PTPRT: variants seen among roughly 807,000 people sequenced by gnomAD.
The protein encoded by PTPRT is receptor-type tyrosine-protein phosphatase T.
A neutral mutation model predicts 176.8 loss-of-function variants in PTPRT; 56 were observed. The observed-to-expected ratio is 0.32, with a 90% CI of 0.26 to 0.40. The LOEUF (loss-of-function observed/expected upper bound fraction) is 0.40, where lower values mean the gene tolerates loss of function less well. PTPRT is among the 10% of genes least tolerant of loss of function. PTPRT has a pLI of 1.00. For missense variants in PTPRT, 1,540 were observed against 1,908.2 expected (o/e 0.81, Z 3.60); for synonymous variants, 783 against 739.0 (o/e 1.06, Z -0.96).
chr20:42,268,482 C>T (rs535195287), intron 13 of PTPRT, among the ~76,000 whole-genome samples: 77 of 152,286 alleles, frequency 5.1e-4, no homozygotes, highest in African/African-American at 1.7e-3. Context: ...TGGTGGTGTG[C>T]ACAGTGACGA....
chr20:42,134,673 A>T (rs1988287724), intron 18 of PTPRT, among the ~76,000 whole-genome samples: 1 of 152,182 alleles, frequency 6.6e-6, no homozygotes, highest in Non-Finnish European at 1.5e-5. Context: ...AAAGGCCCTG[A>T]TCAGTAATGT....
At chr20:42,993,704 C>T (rs1249895192) in intron 1 of PTPRT, among the ~76,000 whole-genome samples, 1 of 151,530 alleles carries the variant, frequency 6.6e-6, no homozygotes, top group South Asian at 2.1e-4. Context: ...CTCCTTGGAC[C>T]AGCATTTCCC....
chr20:42,294,266 A>C (rs2057356905), intron 12 of PTPRT, among the ~76,000 whole-genome samples: 1 of 152,186 alleles, frequency 6.6e-6, no homozygotes, highest in African/African-American at 2.4e-5. Context: ...GGTAGATCAA[A>C]ACTAAGAGTA....
At chr20:42,809,990 G>A (rs1177240000) in intron 2 of PTPRT, among the ~76,000 whole-genome samples, 2 of 152,072 alleles carry the variant, frequency 1.3e-5, no homozygotes, top group African/African-American at 4.8e-5. Flanking sequence ...ACTTAAATTT[G>A]TACTAATAAA....
At position 42,472,515 on chromosome 20, in the gene PTPRT, G is replaced by A. The variant is rs1328848371; in HGVS notation, c.1201C>T (p.Arg401Trp). The A allele has an allele frequency of 3.1e-6, 5 of 1,614,186 alleles. No homozygotes were observed. The highest frequency in any genetic ancestry group is 3.4e-6 in the Non-Finnish European group (4 of 1,180,024). The part of the protein sequence containing the change: ...QNVEIVDIRA[R>W]QLTLQWEPFG... Reference sequence around the variant, plus strand: ...GGCTCCCACTGCAGGGTCAGCTGCCGGGCTCTGATGTCTACGATTTCCACG... The same window carrying A: ...GGCTCCCACTGCAGGGTCAGCTGCCAGGCTCTGATGTCTACGATTTCCACG... The change falls in exon 8 of 31, where the codon CGG becomes TGG. Residue 401 changes from arginine to tryptophan, a missense_variant. Arg to Trp is a moderately radical substitution (Grantham distance 101). Transcript: ENST00000373187.
chr20:42,568,699 A>T (rs2073090707), intron 7 of PTPRT, among the ~76,000 whole-genome samples: 1 of 152,076 alleles, frequency 6.6e-6, no homozygotes, highest in African/African-American at 2.4e-5. Flanking sequence ...GCCTACAGAG[A>T]GCTGTCTGAG....
chr20:42,633,897 T>TTATA (rs1323396040), intron 7 of PTPRT, among the ~76,000 whole-genome samples: 3 of 68,162 alleles, frequency 4.4e-5, no homozygotes, highest in African/African-American at 6.4e-5. Context: ...AATTATTATA[T>TTATA]ATAATATAAT....
At chr20:42,616,505 T>G (rs1363264015) in intron 7 of PTPRT, among the ~76,000 whole-genome samples, 2 of 129,180 alleles carry the variant, frequency 1.5e-5, no homozygotes, top group African/African-American at 7.2e-5. Context: ...GGGGATGGCA[T>G]TGAAACTGTA....
the PTPRT span, among the ~76,000 whole-genome samples, chr20:42,059,927 C>G: frequency 6.6e-6 from 1 of 152,140 alleles, no homozygotes; most frequent in East Asian, 1.9e-4. Flanking sequence ...TTTTCCCATA[C>G]ATAAAATGGA....
chr20:42,285,798 A>T (rs990311162), intron 12 of PTPRT, among the ~76,000 whole-genome samples: 4 of 127,248 alleles, frequency 3.1e-5, no homozygotes, highest in African/African-American at 1.1e-4. Context: ...CAAAAACTTT[A>T]CCAAAAAAAC....
chr20:43,097,829 G>C (rs1288643547), intron 1 of PTPRT, among the ~76,000 whole-genome samples: 1 of 152,198 alleles, frequency 6.6e-6, no homozygotes, highest in Non-Finnish European at 1.5e-5. Context: ...AGAGGAAACA[G>C]CACAGGGGTC....
chr20:42,887,356 A>G (rs936494623), intron 1 of PTPRT, among the ~76,000 whole-genome samples: 3 of 152,188 alleles, frequency 2.0e-5, no homozygotes, highest in African/African-American at 7.2e-5. Context: ...GGTGCCATCA[A>G]AGAAGCAGGA....
chr20:42,559,344 G>C (rs756553306), intron 7 of PTPRT, among the ~76,000 whole-genome samples: 2 of 152,178 alleles, frequency 1.3e-5, no homozygotes, highest in African/African-American at 2.4e-5. Context: ...AGCAAGGCTA[G>C]ATGGGGGAAG....
chr20:42,867,912 C>T (rs572286446), intron 2 of PTPRT, among the ~76,000 whole-genome samples: 1 of 152,182 alleles, frequency 6.6e-6, no homozygotes, highest in African/African-American at 2.4e-5. Flanking sequence ...AAACTCCTGA[C>T]CTCAGGTGAT....
intron 28 of PTPRT, among the ~76,000 whole-genome samples, chr20:42,085,308 C>T (rs1479217876): frequency 6.6e-6 from 1 of 152,170 alleles, no homozygotes; most frequent in African/African-American, 2.4e-5. Context: ...ATCTGCCCCT[C>T]CCACCCACTA....
At chr20:42,781,709 C>T (rs2077218062) in intron 3 of PTPRT, among the ~76,000 whole-genome samples, 1 of 152,182 alleles carries the variant, frequency 6.6e-6, no homozygotes, top group East Asian at 1.9e-4. Context: ...CACTTCCTGA[C>T]TTTCCACTGC....
intron 27 of PTPRT, among the ~76,000 whole-genome samples, chr20:42,089,076 C>A (rs79319159): frequency 6.6e-6 from 1 of 152,114 alleles, no homozygotes; most frequent in Non-Finnish European, 1.5e-5. Context: ...GGGGGTTAAC[C>A]AAGCATAGTG....
chr20:42,377,694 C>T (rs1377076018), intron 9 of PTPRT, among the ~76,000 whole-genome samples: 2 of 152,202 alleles, frequency 1.3e-5, no homozygotes, highest in Non-Finnish European at 2.9e-5. Flanking sequence ...AAATCCTGTG[C>T]TTCCGGTTGT....
intron 13 of PTPRT, among the ~76,000 whole-genome samples, chr20:42,280,186 C>T (rs955504887): frequency 2.6e-5 from 4 of 152,136 alleles, no homozygotes; most frequent in African/African-American, 7.2e-5. Context: ...AAACTCCTCA[C>T]GGGCAGTGGA....
Sources: gnomAD v4.1 joint callset for allele counts (sites outside exome capture counted in the v4.1 genomes callset) on GRCh38, gnomAD v4.1.1 for gene constraint, MANE v1.5 for transcripts, NCBI Gene and HGNC (gene_info 2026-07-23, HGNC 2026-07-21) for gene names.